CDC7: variants seen among roughly 807,000 people sequenced by gnomAD.
The protein encoded by CDC7 is cell division cycle 7-related protein kinase.
Under a neutral mutation model 53.5 loss-of-function variants are expected in CDC7, and 34 were observed. That is an observed-to-expected ratio of 0.64 (90% CI 0.48 to 0.85). The LOEUF (loss-of-function observed/expected upper bound fraction) is 0.85. Among genes scored for constraint, CDC7 ranks in the 40% least tolerant of loss-of-function variants. The pLI is 0.00. For missense variants in CDC7, 594 were observed against 679.7 expected (o/e 0.87, Z 1.40); for synonymous variants, 211 against 222.8 (o/e 0.95, Z 0.47).
chr1:91,502,325 C>CA (rs1227848928), intron 2 of CDC7, among the ~76,000 whole-genome samples: 1 of 152,190 alleles, frequency 6.6e-6, no homozygotes, highest in Non-Finnish European at 1.5e-5. Flanking sequence ...CAGGGTCAAG[C>CA]AGTGCCTGCT....
intron 10 of CDC7, among the ~76,000 whole-genome samples, chr1:91,519,061 G>GA (rs567313615): frequency 0.089 from 9,971 of 112,038 alleles, 648 homozygotes; most frequent in African/African-American, 0.2. Flanking sequence ...ACCCCATCTC[G>GA]AAAAAAAAAA....
In CDC7 at chr1:91,511,801, C is replaced by G; in HGVS notation, c.450C>G (p.Ser150=). Residue 150 remains serine (S), a synonymous_variant, in exon 6 of 12, where the codon TCC becomes TCG. Coordinates refer to ENST00000234626, the MANE Select transcript of CDC7 (RefSeq NM_003503.4). ...ESFLDILNSL[S]FQEVREYMLN... ...TTTAGGACATTCTGAATTCTCTTTC[C>G]TTTCAAGAAGTACGGGAATATATGC... 6.2e-7 allele frequency: 1 copy of G among 1,604,452 alleles called. No individual in the cohort carries two copies. Among genetic ancestry groups the G allele is most frequent in the Middle Eastern group, 1.7e-4 (1 of 6,030 alleles).
chr1:91,509,932 C>A (rs1667187948), intron 4 of CDC7, among the ~76,000 whole-genome samples: 1 of 152,152 alleles, frequency 6.6e-6, no homozygotes, highest in African/African-American at 2.4e-5. Context: ...ATCTTCTGAT[C>A]TGAGCAAGAG....
At chr1:91,517,907 C>G (rs1667652712) in intron 10 of CDC7, among the ~76,000 whole-genome samples, 1 of 151,620 alleles carries the variant, frequency 6.6e-6, no homozygotes, top group Non-Finnish European at 1.5e-5. Context: ...ATCAGCCTGG[C>G]CAATATGGCG....
intron 11 of CDC7, among the ~76,000 whole-genome samples, chr1:91,522,524 T>TG: frequency 6.6e-6 from 1 of 152,332 alleles, no homozygotes; most frequent in Non-Finnish European, 1.5e-5. Context: ...TAGTGTTACT[T>TG]GAAGTTATTT....
In CDC7 at chr1:91,515,815, G is replaced by A. The variant is rs1186856059; in HGVS notation, c.1119G>A (p.Arg373=). Residue 373 remains arginine (R), a synonymous_variant, in exon 10 of 12, where the codon AGG becomes AGA. Transcript: ENST00000234626. The stretch of plus-strand genomic sequence containing the variant: ...TAAGGCGTCAGCAGGTTGCCCCTAG[G>A]GCAGGTACACCAGGATTCAGAGCAC... The part of the protein sequence containing the change: ...CLSRRQQVAP[R]AGTPGFRAPE... 6.2e-7 allele frequency: 1 copy of A among 1,613,684 alleles called. No individual in the cohort carries two copies. Among genetic ancestry groups the A allele is most frequent in the Non-Finnish European group, 8.5e-7 (1 of 1,179,792 alleles).
intron 8 of CDC7, 140 bp downstream of exon 8, chr1:91,514,183 G>T: frequency 6.0e-6 from 3 of 501,840 alleles, no homozygotes; most frequent in South Asian, 2.8e-5. Flanking sequence ...ACTGCTTTAA[G>T]CATTTAGTCA....
At chr1:91,505,601 T>G (rs1666943673) in intron 2 of CDC7, among the ~76,000 whole-genome samples, 1 of 152,226 alleles carries the variant, frequency 6.6e-6, no homozygotes, top group Admixed American at 6.5e-5. Context: ...TTTTAGCATA[T>G]TATAGATTTT....
At chr1:91,510,476 A>G (rs1410749724) in intron 4 of CDC7, among the ~76,000 whole-genome samples, 3 of 152,214 alleles carry the variant, frequency 2.0e-5, no homozygotes, top group Admixed American at 1.3e-4. Context: ...AACAGTGCCA[A>G]CTAAATACTG....
chr1:91,519,986 C>A, intron 10 of CDC7, 144 bp from the exon 11 acceptor site: 1 of 540,826 alleles, frequency 1.8e-6, no homozygotes, highest in Non-Finnish European at 3.0e-6. Context: ...CAGAACTGTT[C>A]AATCAAAATC....
chr1:91,501,574 C>G (rs1332533285), intron 1 of CDC7, 80 bp from the exon 2 acceptor site: 1 of 679,034 alleles, frequency 1.5e-6, no homozygotes, highest in Non-Finnish European at 2.6e-6. Flanking sequence ...AAATGTTTGC[C>G]CCTTTGGGGG....
chr1:91,514,436 T>C (rs752087936), intron 8 of CDC7, among the ~76,000 whole-genome samples: 2 of 152,202 alleles, frequency 1.3e-5, no homozygotes, highest in African/African-American at 2.4e-5. Context: ...TTATGATATC[T>C]TGTGACAGCT....
In CDC7 at chr1:91,514,850, T is replaced by C. The variant is rs1164369328; in HGVS notation, c.950T>C (p.Leu317Pro). The C allele has an allele frequency of 1.2e-6, 2 of 1,611,932 alleles. No individual in the cohort carries two copies. The highest frequency in any genetic ancestry group is 8.5e-7 in the Non-Finnish European group (1 of 1,178,968). ...LMKQSKTVDV[L>P]SRKLATKKKA... ...AAGCAGTCAAAGACTGTGGATGTAC[T>C]GTCTAGAAAGTTAGCAACAAAAAAG... Residue 317 changes from leucine (L) to proline (P), a missense_variant, in exon 9 of 12, where the codon CTG becomes CCG. Coordinates refer to ENST00000234626, the MANE Select transcript of CDC7 (RefSeq NM_003503.4).
At chr1:91,522,738 A>C (rs1359055578) in intron 11 of CDC7, among the ~76,000 whole-genome samples, 1 of 152,198 alleles carries the variant, frequency 6.6e-6, no homozygotes, top group Non-Finnish European at 1.5e-5. Flanking sequence ...TAAAAGTAAA[A>C]AAGCATTGGC....
rs200802323 is a variant in CDC7, at chr1:91,501,821, T to C, written c.105T>C (p.Phe35=). 6.8e-6 allele frequency: 11 copies of C among 1,612,678 alleles called. No individual in the cohort carries two copies. Among genetic ancestry groups the C allele is most frequent in the Non-Finnish European group, 8.5e-6 (10 of 1,178,650 alleles). ...CTTTAAAAAAAAACGAGCAGAATTT[T>C]AAACTTGCAGGTACGTGTTTAAATC... The part of the protein sequence containing the change: ...EGSLKKNEQN[F]KLAGVKKDIE... The change falls in exon 2 of 12, where the codon TTT becomes TTC. Residue 35 remains phenylalanine, a synonymous_variant. Transcript: ENST00000234626.
intron 2 of CDC7, among the ~76,000 whole-genome samples, chr1:91,503,664 A>G (rs1447152015): frequency 2.0e-5 from 3 of 152,214 alleles, no homozygotes; most frequent in Non-Finnish European, 4.4e-5. Flanking sequence ...TCAGATTTTT[A>G]TAACATTTTT....
At chr1:91,519,508 T>G (rs1320780714) in intron 10 of CDC7, among the ~76,000 whole-genome samples, 1 of 152,144 alleles carries the variant, frequency 6.6e-6, no homozygotes, top group African/African-American at 2.4e-5. Flanking sequence ...ATACCCTGTT[T>G]TCCAGGATGT....
At chr1:91,508,452 A>G (rs1667106093) in intron 4 of CDC7, 55 bp downstream of exon 4, 37 of 1,408,672 alleles carry the variant, frequency 2.6e-5, no homozygotes, top group Middle Eastern at 4.3e-4. Context: ...TAAGATTTTA[A>G]AGTAGATATT....
At position 91,520,257 on chromosome 1, in the gene CDC7, T is replaced by C. The variant is rs1192753132; in HGVS notation, c.1308T>C (p.Thr436=). Residue 436 remains threonine, a synonymous_variant, in exon 11 of 12, where the codon ACT becomes ACC. Coordinates refer to ENST00000234626, the MANE Select transcript of CDC7 (RefSeq NM_003503.4). ...QIMTIRGSRE[T]IQAAKTFGKS... ...TGACAATTAGGGGATCCAGAGAAAC[T>C]ATCCAAGCTGCTAAAACTTTTGGTA... 1 of 1,601,586 alleles carries C rather than the reference T, an allele frequency of 6.2e-7. No individual in the cohort carries two copies. The highest frequency in any genetic ancestry group is 1.1e-5 in the South Asian group (1 of 87,968).
Sources: gnomAD v4.1 joint callset for allele counts (sites outside exome capture counted in the v4.1 genomes callset) on GRCh38, gnomAD v4.1.1 for gene constraint, MANE v1.5 for transcripts, NCBI Gene and HGNC (gene_info 2026-07-23, HGNC 2026-07-21) for gene names.